Variants in SFMBT2 observed in about 807,000 individuals in gnomAD.
The protein encoded by SFMBT2 is Scm like with four mbt domains 2, also known as scm-like with four MBT domains protein 2.
In SFMBT2, 38 loss-of-function variants were observed where a neutral mutation model predicts 110.1. That is an observed-to-expected ratio of 0.35 (90% confidence interval 0.27 to 0.45). The LOEUF (loss-of-function observed/expected upper bound fraction) is 0.45. Among genes scored for constraint, SFMBT2 ranks in the 20% least tolerant of loss-of-function variants. The pLI, the probability that SFMBT2 is intolerant of heterozygous loss-of-function variation, is 1.00. For synonymous variants in SFMBT2, 425 were observed against 425.4 expected (o/e 1.00, Z 0.01); for missense variants, 1,011 against 1,094.9 (o/e 0.92, Z 1.08).
chr10:7,188,273 T>C (rs1838484308), intron 16 of SFMBT2, among the ~76,000 whole-genome samples: 1 of 152,238 alleles, frequency 6.6e-6, no homozygotes, highest in Non-Finnish European at 1.5e-5. Flanking sequence ...AAGAGCTGTT[T>C]ATGAACATAG....
At chr10:7,263,367 G>C (rs1405436347) in intron 7 of SFMBT2, among the ~76,000 whole-genome samples, 1 of 151,956 alleles carries the variant, frequency 6.6e-6, no homozygotes, top group South Asian at 2.1e-4. Flanking sequence ...TCAACCTCCC[G>C]AGTAGGTGGA....
In SFMBT2 at chr10:7,171,682, G is replaced by C. The variant is rs1322758237; in HGVS notation, c.2415+213C>G. 1 of 725,336 alleles carries C rather than the reference G, an allele frequency of 1.4e-6. No individual in the cohort carries two copies. The highest frequency in any genetic ancestry group is 1.9e-5 in the African/African-American group (1 of 52,190). The allele number at this position is 725,336 out of a possible 1,614,324, so 44.9% of individuals were successfully genotyped here. ...TAAAGCCGTCCAGGAAAGAGGCGCT[G>C]TCTCCACCCTGGGCACTCCATTCTG... On this transcript the variant is annotated intron_variant, in intron 19 of 20. Coordinates refer to ENST00000397167, the MANE Select transcript of SFMBT2 (RefSeq NM_001387889.1). The surrounding 1 kb of genome is among the most constrained non-coding windows in gnomAD (Gnocchi z 4.9).
intron 7 of SFMBT2, among the ~76,000 whole-genome samples, chr10:7,275,919 C>T (rs939100749): frequency 2.6e-5 from 4 of 152,256 alleles, no homozygotes; most frequent in African/African-American, 9.6e-5. Context: ...TCTGCAGACA[C>T]GTGCCACCCC....
At chr10:7,345,686 T>C (rs1181660520) in intron 4 of SFMBT2, among the ~76,000 whole-genome samples, 1 of 152,256 alleles carries the variant, frequency 6.6e-6, no homozygotes, top group African/African-American at 2.4e-5. Flanking sequence ...CTTCATTCTA[T>C]GGCCAAGTCT....
chr10:7,287,823 C>CGG (rs1264979761), intron 4 of SFMBT2, among the ~76,000 whole-genome samples: 1 of 152,182 alleles, frequency 6.6e-6, no homozygotes, highest in East Asian at 1.9e-4. Flanking sequence ...TGGGCCCCAA[C>CGG]GGGGGATCCA....
chr10:7,297,872 T>C (rs1054423898), intron 4 of SFMBT2, among the ~76,000 whole-genome samples: 4 of 152,188 alleles, frequency 2.6e-5, no homozygotes, highest in Admixed American at 2.0e-4. Context: ...TACCTGAGGA[T>C]AGTATCTGCA....
At chr10:7,284,381 T>C (rs1842030993) in intron 5 of SFMBT2, 1 of 1,276,498 alleles carries the variant, frequency 7.8e-7, no homozygotes, top group Non-Finnish European at 9.9e-7. Context: ...AAATCACAAG[T>C]CAATAGAAAA....
At chr10:7,187,023 T>C (rs1838436770) in intron 16 of SFMBT2, among the ~76,000 whole-genome samples, 1 of 152,374 alleles carries the variant, frequency 6.6e-6, no homozygotes, top group East Asian at 1.9e-4. Context: ...TTTCACCATG[T>C]CTGTTTTGAT....
chr10:7,291,252 T>C (rs962885605), intron 4 of SFMBT2, among the ~76,000 whole-genome samples: 1 of 152,242 alleles, frequency 6.6e-6, no homozygotes, highest in Non-Finnish European at 1.5e-5. Context: ...ACTCACACTC[T>C]AGCCCACAGG....
intron 15 of SFMBT2, among the ~76,000 whole-genome samples, chr10:7,190,501 T>C (rs1339574242): frequency 6.6e-6 from 1 of 152,212 alleles, no homozygotes; most frequent in African/African-American, 2.4e-5. Context: ...CATCGGATAT[T>C]GAATGTTTTT....
At chr10:7,188,899 A>G (rs1238006485) in intron 15 of SFMBT2, among the ~76,000 whole-genome samples, 166 bp from the exon 16 acceptor site, 1 of 152,244 alleles carries the variant, frequency 6.6e-6, no homozygotes, top group African/African-American at 2.4e-5. Context: ...CCAGGCTAAC[A>G]CTGAGTTGTT....
At position 7,366,299 on chromosome 10, in the gene SFMBT2, G is replaced by A. The variant is rs551447636; in HGVS notation, c.436+1350C>T. ...GGCAATGGGTTCGATCCTGACAAAT[G>A]TCACATAAATGCAACTCTTAACTCC... On this transcript the variant is annotated intron_variant, in intron 4 of 20. Transcript: ENST00000397167. Among the ~76,000 whole-genome samples, 5 of 152,200 alleles carry A rather than the reference G, an allele frequency of 3.3e-5. 1 individual carries two copies. The South Asian group carries it at 1.0e-3, about 32-fold the overall frequency.
chr10:7,212,060 T>C (rs934396759), intron 11 of SFMBT2, among the ~76,000 whole-genome samples: 3 of 152,144 alleles, frequency 2.0e-5, no homozygotes, highest in African/African-American at 7.2e-5. Context: ...GGAGGGAGAC[T>C]TTGCAAATGC....
chr10:7,182,339 C>A (rs1047782747), intron 16 of SFMBT2, among the ~76,000 whole-genome samples: 3 of 152,218 alleles, frequency 2.0e-5, no homozygotes, highest in African/African-American at 7.2e-5. Context: ...CACTCAGCCT[C>A]ATTCTACTCT....
chr10:7,226,264 A>AC (rs1839893771), intron 10 of SFMBT2, among the ~76,000 whole-genome samples: 1 of 152,324 alleles, frequency 6.6e-6, no homozygotes, highest in Admixed American at 6.5e-5. Context: ...AAGGTCGTTC[A>AC]ATCATAGAAG....
rs192739091 is a variant in SFMBT2, at chr10:7,301,427, C to T, written c.437-15473G>A. On this transcript the variant is annotated intron_variant, in intron 4 of 20. Transcript: ENST00000397167. The surrounding 1 kb of genome is among the most constrained non-coding windows in gnomAD (Gnocchi z 4.2). ...AAGAAAGCCCGAACTCATGAGACAG[C>T]GGAGGAAACCCGGGAGGGACTAGAA... is the stretch of plus-strand genomic sequence containing the variant. Among the ~76,000 whole-genome samples, 5 of 152,246 alleles carry T rather than the reference C, an allele frequency of 3.3e-5. No homozygotes were observed. Among genetic ancestry groups the T allele is most frequent in the South Asian group, 2.1e-4 (1 of 4,816 alleles).
chr10:7,323,508 A>C (rs2131940089), intron 4 of SFMBT2, among the ~76,000 whole-genome samples: 1 of 151,334 alleles, frequency 6.6e-6, no homozygotes, highest in South Asian at 2.1e-4. Context: ...CACCAAATTC[A>C]GGACAGCAGT....
At chr10:7,193,233 C>A (rs1241658531) in intron 15 of SFMBT2, among the ~76,000 whole-genome samples, 1 of 152,192 alleles carries the variant, frequency 6.6e-6, no homozygotes, top group African/African-American at 2.4e-5. Flanking sequence ...AAGTGGAGAG[C>A]CCCTGCCTGC....
rs115122223 is a variant in SFMBT2, at chr10:7,245,443, G to A, written c.973-1738C>T. The stretch of plus-strand genomic sequence containing the variant: ...AAGGAATTTCCACAACCGTTAAAAT[G>A]CATGTTCACGTGGGAACACTCCAAA... On this transcript the variant is annotated intron_variant, in intron 8 of 20. Transcript: ENST00000397167. 7.5e-3 allele frequency among the ~76,000 whole-genome samples: 1,139 copies of A among 152,298 alleles called. 16 individuals carry two copies. The highest frequency in any genetic ancestry group is 0.026 in the African/African-American group (1,082 of 41,564).
Sources: allele counts gnomAD v4.1 joint callset (sites outside exome capture counted in the v4.1 genomes callset), GRCh38; gene constraint gnomAD v4.1.1; non-coding constraint Gnocchi (gnomAD v3.1); transcripts MANE v1.5; gene names NCBI Gene and HGNC (gene_info 2026-07-23, HGNC 2026-07-21).